The following RHOQ variants were observed in gnomAD, a reference collection of about 807,000 sequenced individuals.
The protein encoded by RHOQ is rho-related GTP-binding protein RhoQ.
RHOQ carries 7 observed loss-of-function variants against 25.8 expected under a neutral mutation model. The ratio of observed to expected loss-of-function variants is 0.27; its 90% CI spans 0.15 to 0.51. The LOEUF (loss-of-function observed/expected upper bound fraction) is 0.51. RHOQ is among the 20% of genes least tolerant of loss of function. The pLI is 0.97. For missense variants in RHOQ, 165 were observed against 260.6 expected (o/e 0.63, Z 2.53); for synonymous variants, 97 against 98.6 (o/e 0.98, Z 0.10).
At chr2:46,546,989 G>A (rs1404078682) in intron 2 of RHOQ, among the ~76,000 whole-genome samples, 6 of 152,120 alleles carry the variant, frequency 3.9e-5, no homozygotes, top group East Asian at 1.9e-4. Flanking sequence ...GCTCCCTGCC[G>A]TAAATGCCCT....
At position 46,553,442 on chromosome 2, in the gene RHOQ, G is replaced by A. The variant is rs1668305107; in HGVS notation, c.201+9630G>A. On this transcript the variant is annotated intron_variant, in intron 2 of 4. Transcript: ENST00000238738. ...AAATAAGCACATCATGGAGAATAGG[G>A]TATCCATCCCCTCAAGCAGTTACTC... 1.3e-5 allele frequency among the ~76,000 whole-genome samples: 2 copies of A among 152,116 alleles called. 1 individual carries two copies. Among genetic ancestry groups the A allele is most frequent in the South Asian group, 4.1e-4 (2 of 4,832 alleles).
At chr2:46,560,762 T>C (rs1668551335) in intron 2 of RHOQ, 5 of 306,870 alleles carry the variant, frequency 1.6e-5, no homozygotes, top group African/African-American at 1.1e-4. Context: ...GTATAGACCA[T>C]GACTTTTCAG....
chr2:46,543,849 G>C (rs781043728), intron 2 of RHOQ, 37 bp downstream of exon 2: 1 of 1,587,428 alleles, frequency 6.3e-7, no homozygotes, highest in African/African-American at 1.3e-5. Flanking sequence ...CCCCCCTCCT[G>C]TTCCCCAGTT....
chr2:46,544,030 G>A (rs1161662908), intron 2 of RHOQ, among the ~76,000 whole-genome samples: 1 of 152,206 alleles, frequency 6.6e-6, no homozygotes, highest in Non-Finnish European at 1.5e-5. Flanking sequence ...CCCCTGGGCT[G>A]TGAAAGTTTT....
intron 2 of RHOQ, among the ~76,000 whole-genome samples, chr2:46,553,260 C>A (rs1294331830): frequency 2.0e-5 from 3 of 152,154 alleles, no homozygotes; most frequent in Admixed American, 6.5e-5. Context: ...CCACATCCAC[C>A]GCTGTCTTAC....
intron 2 of RHOQ, among the ~76,000 whole-genome samples, chr2:46,551,306 A>G (rs565389792): frequency 5.9e-5 from 9 of 152,208 alleles, no homozygotes; most frequent in Non-Finnish European, 1.0e-4. Flanking sequence ...GGCATGCAGC[A>G]GTGGCTCCTC....
intron 2 of RHOQ, among the ~76,000 whole-genome samples, chr2:46,571,357 G>A (rs1055282529): frequency 1.3e-5 from 2 of 152,212 alleles, no homozygotes; most frequent in African/African-American, 4.8e-5. Flanking sequence ...CTTCTAGGCT[G>A]TGGCTTGGAG....
intron 2 of RHOQ, among the ~76,000 whole-genome samples, chr2:46,573,127 A>C (rs1473564131): frequency 6.6e-6 from 1 of 151,504 alleles, no homozygotes; most frequent in African/African-American, 2.4e-5. Context: ...GCAGTGGTAC[A>C]ATCTCTGCTC....
In RHOQ at chr2:46,566,767, G is replaced by A. The variant is rs535528272; in HGVS notation, c.202-9320G>A. On this transcript the variant is annotated intron_variant, in intron 2 of 4. Coordinates refer to ENST00000238738, the MANE Select transcript of RHOQ (RefSeq NM_012249.4). This position sits in a 1 kb window ranked among gnomAD's most constrained non-coding sequence, Gnocchi z 4.2. ...TGTCAGGGCTTTTCTGCCTTGGGAC[G>A]TTTGCATACATTGTCTTGTTGTCTG... is the stretch of plus-strand genomic sequence containing the variant. Among the ~76,000 whole-genome samples the A allele has an allele frequency of 4.1e-4, 63 of 152,214 alleles. No homozygotes were observed. In the South Asian group the frequency reaches 5.0e-3, roughly 12 times the overall value.
rs1289278085 is a variant in RHOQ, at chr2:46,552,746, A to T, written c.201+8934A>T. Among the ~76,000 whole-genome samples the T allele has an allele frequency of 3.3e-5, 5 of 152,222 alleles. No individual in the cohort carries two copies. In the East Asian group the frequency reaches 9.6e-4, roughly 29 times the overall value. On this transcript the variant is annotated intron_variant, in intron 2 of 4. Coordinates refer to ENST00000238738, the MANE Select transcript of RHOQ (RefSeq NM_012249.4). This position sits in a 1 kb window ranked among gnomAD's most constrained non-coding sequence, Gnocchi z 5.0. Reference sequence around the variant, plus strand: ...TGAGCACCAGATCTGGGCCAGGGGCAGGTGTTAGAAGATCTGTCAGGCACA... The same window carrying T: ...TGAGCACCAGATCTGGGCCAGGGGCTGGTGTTAGAAGATCTGTCAGGCACA...
In RHOQ at chr2:46,556,871, T is replaced by C. The variant is rs537782905; in HGVS notation, c.201+13059T>C. On this transcript the variant is annotated intron_variant, in intron 2 of 4. Coordinates refer to ENST00000238738, the MANE Select transcript of RHOQ (RefSeq NM_012249.4). The surrounding 1 kb of genome is among the most constrained non-coding windows in gnomAD (Gnocchi z 4.9). ...CCGTTTAGATTCAGAAACAATTTTA[T>C]TGGGGCTTTCAAGGACCATCAGGTA... is the stretch of plus-strand genomic sequence containing the variant. Among the ~76,000 whole-genome samples, 1 of 152,188 alleles carries C rather than the reference T, an allele frequency of 6.6e-6. No individual in the cohort carries two copies. Among genetic ancestry groups the C allele is most frequent in the African/African-American group, 2.4e-5 (1 of 41,442 alleles).
At chr2:46,570,070 G>C (rs1214130207) in intron 2 of RHOQ, among the ~76,000 whole-genome samples, 1 of 152,098 alleles carries the variant, frequency 6.6e-6, no homozygotes, top group Non-Finnish European at 1.5e-5. Context: ...TTTTTAAAGA[G>C]GTAAAAACTG....
rs965895996 is a variant in RHOQ, at chr2:46,583,239, C to G, written c.*2156C>G. ...TTAGAAGTCTAGAATTTGCCCTGCC[C>G]TAACAGAAACAGATTAGGAATTTGT... On this transcript the variant is annotated 3_prime_UTR_variant, in exon 5 of 5. Transcript: ENST00000238738. The G allele has an allele frequency of 6.6e-6, 1 of 152,048 alleles. No homozygotes were observed. The highest frequency in any genetic ancestry group is 1.5e-5 in the Non-Finnish European group (1 of 67,996). 9.4% of individuals were successfully genotyped at this position (152,048 alleles called of 1,614,324 possible).
intron 1 of RHOQ, 83 bp downstream of exon 1, chr2:46,543,271 T>A: frequency 6.6e-7 from 1 of 1,509,002 alleles, no homozygotes; most frequent in South Asian, 1.1e-5. Context: ...CCTCGCCGCC[T>A]CCCCAGAGCG....
chr2:46,555,517 G>A lies in RHOQ; in HGVS notation c.201+11705G>A, dbSNP rs996717766. Among the ~76,000 whole-genome samples the A allele has an allele frequency of 2.0e-5, 3 of 152,206 alleles. No homozygotes were observed. Among genetic ancestry groups the A allele is most frequent in the African/African-American group, 7.2e-5 (3 of 41,450 alleles). On this transcript the variant is annotated intron_variant, in intron 2 of 4. Transcript: ENST00000238738. The surrounding 1 kb of genome is among the most constrained non-coding windows in gnomAD (Gnocchi z 4.3). ...GGCTTTCCTATCAGCTCATTTGAGA[G>A]GAAATTCTGACCTGTCTGGACATTA...
chr2:46,557,002 C>A (rs1330772723), intron 2 of RHOQ, among the ~76,000 whole-genome samples: 1 of 152,112 alleles, frequency 6.6e-6, no homozygotes, highest in African/African-American at 2.4e-5. Flanking sequence ...AAGACATAAA[C>A]CAATAGCTCA....
In RHOQ at chr2:46,583,571, T is replaced by C. The variant is rs1282775246; in HGVS notation, c.*2488T>C. On this transcript the variant is annotated 3_prime_UTR_variant, in exon 5 of 5. Transcript: ENST00000238738. ...CTTATCAAGAGCTTTTTAATTGCTT[T>C]GGTTCTTTAGTTTTTCTTTTTGCAA... Among the ~76,000 whole-genome samples, 2 of 152,182 alleles carry C rather than the reference T, an allele frequency of 1.3e-5. No individual in the cohort carries two copies. Among genetic ancestry groups the C allele is most frequent in the Non-Finnish European group, 2.9e-5 (2 of 67,996 alleles).
chr2:46,554,949 C>G (rs1668365975), intron 2 of RHOQ, among the ~76,000 whole-genome samples: 1 of 152,142 alleles, frequency 6.6e-6, no homozygotes, highest in African/African-American at 2.4e-5. Context: ...AATTAAAATT[C>G]CATTTAATCC....
Position 46,556,180 on chromosome 2 carries a change from C to T in RHOQ, c.201+12368C>T, listed in dbSNP as rs1668405396. On this transcript the variant is annotated intron_variant, in intron 2 of 4. Transcript: ENST00000238738. The surrounding 1 kb of genome is among the most constrained non-coding windows in gnomAD (Gnocchi z 4.9). ...TGCAATGTTTGCCCTTTGTGTCTGGCTTCTTTCACTTAGCATAACGTTTTC... is the reference window on the plus strand; with the variant it reads ...TGCAATGTTTGCCCTTTGTGTCTGGTTTCTTTCACTTAGCATAACGTTTTC... Among the ~76,000 whole-genome samples, 2 of 152,280 alleles carry T rather than the reference C, an allele frequency of 1.3e-5. No homozygotes were observed. Among genetic ancestry groups the T allele is most frequent in the South Asian group, 2.1e-4 (1 of 4,826 alleles).
Sources: gnomAD v4.1 joint callset for allele counts (sites outside exome capture counted in the v4.1 genomes callset) on GRCh38, gnomAD v4.1.1 for gene constraint, Gnocchi (gnomAD v3.1) non-coding constraint, MANE v1.5 for transcripts, NCBI Gene and HGNC (gene_info 2026-07-23, HGNC 2026-07-21) for gene names.